ENTREP2: variants seen among roughly 807,000 people sequenced by gnomAD.
ENTREP2 encodes the protein protein ENTREP2.
At chr15:29,443,278 C>T in the ENTREP2 span, among the ~76,000 whole-genome samples, 10 of 152,128 alleles carry the variant, frequency 6.6e-5, no homozygotes, top group African/African-American at 2.4e-4. Flanking sequence ...GGAATCCTTC[C>T]AACATTCCCC....
the ENTREP2 span, among the ~76,000 whole-genome samples, chr15:29,169,148 T>C: frequency 6.6e-6 from 1 of 152,230 alleles, no homozygotes; most frequent in Non-Finnish European, 1.5e-5. Context: ...TACATGCATA[T>C]ATACATACAG....
the ENTREP2 span, among the ~76,000 whole-genome samples, chr15:29,496,378 AAAAT>A: frequency 2.6e-5 from 4 of 151,634 alleles, no homozygotes; most frequent in Non-Finnish European, 5.9e-5. Flanking sequence ...GATGACTAAT[AAAAT>A]AAATAAATAA....
the ENTREP2 span, among the ~76,000 whole-genome samples, chr15:29,195,676 C>G: frequency 1.3e-5 from 2 of 152,094 alleles, no homozygotes; most frequent in Non-Finnish European, 2.9e-5. Flanking sequence ...AGGCGCCCAC[C>G]ACCACACCTG....
At chr15:29,635,139 G>T in the ENTREP2 span, among the ~76,000 whole-genome samples, 2 of 152,096 alleles carry the variant, frequency 1.3e-5, no homozygotes, top group African/African-American at 4.8e-5. Flanking sequence ...CACCGCACCC[G>T]GCCTCCTTAG....
At chr15:29,251,491 C>T in the ENTREP2 span, among the ~76,000 whole-genome samples, 5 of 152,244 alleles carry the variant, frequency 3.3e-5, no homozygotes, top group Non-Finnish European at 7.3e-5. Context: ...TGAGGCCCAA[C>T]ACAAATTCGT....
At chr15:29,645,626 C>T in the ENTREP2 span, among the ~76,000 whole-genome samples, 1,449 of 151,688 alleles carry the variant, frequency 9.6e-3, 18 homozygotes, top group African/African-American at 0.033. Flanking sequence ...GGTGTGGTCT[C>T]GGCTCACTAC....
the ENTREP2 span, chr15:29,234,434 C>T: frequency 4.6e-6 from 7 of 1,514,370 alleles, no homozygotes; most frequent in East Asian, 2.3e-5. Flanking sequence ...AGTAGTCCCT[C>T]GACCTGCATA....
At chr15:29,424,893 TG>T in the ENTREP2 span, among the ~76,000 whole-genome samples, 2 of 152,256 alleles carry the variant, frequency 1.3e-5, no homozygotes, top group Non-Finnish European at 2.9e-5. Flanking sequence ...TTGTTCTTGC[TG>T]ACCAAGTCAT....
the ENTREP2 span, among the ~76,000 whole-genome samples, chr15:29,289,136 GGCAGAGGTT>G: frequency 6.6e-6 from 1 of 151,726 alleles, no homozygotes; most frequent in African/African-American, 2.4e-5. Context: ...GAGCCTAGGA[GGCAGAGGTT>G]GCAGCGAGCC....
the ENTREP2 span, among the ~76,000 whole-genome samples, chr15:29,545,586 T>G: frequency 3.3e-5 from 5 of 152,356 alleles, no homozygotes; most frequent in African/African-American, 1.2e-4. Context: ...ACAATGCTGC[T>G]TAGTGGAGGG....
the ENTREP2 span, among the ~76,000 whole-genome samples, chr15:29,417,964 A>T: frequency 2.6e-5 from 4 of 152,226 alleles, no homozygotes; most frequent in Non-Finnish European, 4.4e-5. Context: ...AAAATATCAG[A>T]ATGGAATAAT....
the ENTREP2 span, among the ~76,000 whole-genome samples, chr15:29,348,011 G>A: frequency 6.6e-6 from 1 of 152,162 alleles, no homozygotes; most frequent in African/African-American, 2.4e-5. Context: ...GGATGGGTGG[G>A]GAGTATTGTC....
chr15:29,366,731 T>C, the ENTREP2 span, among the ~76,000 whole-genome samples: 6 of 152,214 alleles, frequency 3.9e-5, no homozygotes, highest in South Asian at 4.1e-4. Context: ...CCACATTACA[T>C]GTATCAACAA....
the ENTREP2 span, among the ~76,000 whole-genome samples, chr15:29,231,481 A>G: frequency 6.6e-6 from 1 of 152,204 alleles, no homozygotes; most frequent in East Asian, 1.9e-4. Flanking sequence ...TTAAGTATCA[A>G]CTTAAATTGA....
chr15:29,373,566 T>C, the ENTREP2 span: 1 of 152,176 alleles, frequency 6.6e-6, no homozygotes, highest in Non-Finnish European at 1.5e-5. Context: ...ATTATAAGAT[T>C]GTGTTGTGTT....
chr15:29,475,479 G>C, the ENTREP2 span, among the ~76,000 whole-genome samples: 1 of 152,144 alleles, frequency 6.6e-6, no homozygotes, highest in Admixed American at 6.5e-5. Context: ...CCGCACCTTG[G>C]AATGCATTCA....
the ENTREP2 span, among the ~76,000 whole-genome samples, chr15:29,468,692 T>C: frequency 2.0e-5 from 3 of 152,076 alleles, no homozygotes; most frequent in Non-Finnish European, 4.4e-5. Flanking sequence ...TTTAATAGTG[T>C]CTGAAGTTGC....
chr15:29,513,757 C>T, the ENTREP2 span, among the ~76,000 whole-genome samples: 7 of 152,330 alleles, frequency 4.6e-5, no homozygotes, highest in Admixed American at 1.3e-4. Flanking sequence ...TTCATGGACA[C>T]GCTAAGGAGG....
the ENTREP2 span, among the ~76,000 whole-genome samples, chr15:29,560,638 T>C: frequency 6.6e-6 from 1 of 152,060 alleles, no homozygotes; most frequent in African/African-American, 2.4e-5. Context: ...GCCCTGAGGA[T>C]GCTCTGAGAC....
Sources: allele counts gnomAD v4.1 joint callset (sites outside exome capture counted in the v4.1 genomes callset), GRCh38; gene constraint gnomAD v4.1.1; transcripts MANE v1.5; gene names NCBI Gene and HGNC (gene_info 2026-07-23, HGNC 2026-07-21).